Variants in SNRPN observed in about 807,000 individuals in gnomAD.
SNRPN encodes the protein small nuclear ribonucleoprotein-associated protein N.
A neutral mutation model predicts 25.2 loss-of-function variants in SNRPN; 7 were observed. The ratio of observed to expected loss-of-function variants is 0.28; its 90% CI spans 0.16 to 0.52. The LOEUF (loss-of-function observed/expected upper bound fraction) is 0.52, where lower values mean the gene tolerates loss of function less well. Ranked by LOEUF, SNRPN falls within the 20% of genes least tolerant of loss-of-function variation. The pLI is 0.96. For synonymous variants in SNRPN, 124 were observed against 110.6 expected, an observed-to-expected ratio of 1.12 and a Z score of -0.76; for missense variants, 196 against 322.5, an observed-to-expected ratio of 0.61 and a Z score of 3.00.
intron 1 of SNRPN, among the ~76,000 whole-genome samples, chr15:24,958,266 C>T (rs1035910870): frequency 6.6e-6 from 1 of 151,860 alleles, no homozygotes; most frequent in Non-Finnish European, 1.5e-5. Flanking sequence ...TGTTTATCAG[C>T]GCCCTCTGTT....
chr15:24,944,857 T>C (rs2061778888), intron 3 of SNRPN, among the ~76,000 whole-genome samples: 1 of 152,200 alleles, frequency 6.6e-6, no homozygotes, highest in African/African-American at 2.4e-5. Context: ...AGAGTTGATG[T>C]TGTAGCTCTA....
At chr15:24,851,985 T>C (rs1007682329), upstream of SNRPN, 1 of 152,208 alleles carries the variant, frequency 6.6e-6, no homozygotes, top group Non-Finnish European at 1.5e-5. Flanking sequence ...GACTTTTACA[T>C]TATATCATAG....
At chr15:24,930,880 C>G (rs2060802087) in intron 3 of SNRPN, among the ~76,000 whole-genome samples, 1 of 145,226 alleles carries the variant, frequency 6.9e-6, no homozygotes, top group Non-Finnish European at 1.5e-5. Flanking sequence ...GCTTGGGCGA[C>G]AAAGCAAGAG....
intron 1 of SNRPN, among the ~76,000 whole-genome samples, chr15:24,858,581 G>A (rs765298756): frequency 1.5e-4 from 23 of 151,938 alleles, no homozygotes; most frequent in Non-Finnish European, 2.5e-4. Context: ...TGGATCATAA[G>A]GCCAGGAGTT....
At chr15:24,884,031 GC>G (rs2056971465) in intron 1 of SNRPN, among the ~76,000 whole-genome samples, 1 of 149,920 alleles carries the variant, frequency 6.7e-6, no homozygotes. Flanking sequence ...AGAATGTAGG[GC>G]TGGGCATGGT....
chr15:24,841,631 C>G (rs564892325), intron 2 of SNRPN, among the ~76,000 whole-genome samples: 1 of 152,252 alleles, frequency 6.6e-6, no homozygotes, highest in African/African-American at 2.4e-5. Flanking sequence ...AGGCCTTGGC[C>G]CCATTCTTAA....
At chr15:24,886,228 C>G (rs2057195984) in intron 1 of SNRPN, among the ~76,000 whole-genome samples, 1 of 152,108 alleles carries the variant, frequency 6.6e-6, no homozygotes, top group African/African-American at 2.4e-5. Context: ...AGTGATCATC[C>G]CAGCTTGTCT....
chr15:24,859,167 CCTTTGTT>C (rs1220623963), intron 1 of SNRPN, among the ~76,000 whole-genome samples: 1 of 152,152 alleles, frequency 6.6e-6, no homozygotes, highest in Non-Finnish European at 1.5e-5. Flanking sequence ...CTCTTGTGCC[CCTTTGTT>C]CTGGTGTGCT....
chr15:24,889,195 G>A (rs2057442587), intron 2 of SNRPN, among the ~76,000 whole-genome samples: 1 of 152,182 alleles, frequency 6.6e-6, no homozygotes, highest in African/African-American at 2.4e-5. Context: ...TGGGATTACA[G>A]GCGTGAGCCA....
At chr15:24,962,052 C>T in intron 1 of SNRPN, 62 bp from the exon 2 acceptor site, 1 of 1,320,550 alleles carries the variant, frequency 7.6e-7, no homozygotes, top group Non-Finnish European at 1.1e-6. Context: ...ATAACCTTGA[C>T]AAATAGTTAT....
intron 3 of SNRPN, among the ~76,000 whole-genome samples, chr15:24,931,859 A>G (rs2152872469): frequency 6.6e-6 from 1 of 150,514 alleles, no homozygotes; most frequent in African/African-American, 2.4e-5. Context: ...AAAAAAAAAA[A>G]AAAAAAAAAG....
In SNRPN at chr15:24,864,339, CTTTTT is replaced by C. The variant is rs58622804; in HGVS notation, c.-579+7642_-579+7646del. ...CGCCGCTCCCGGCCCCTCTTCTTTT[CTTTTT>C]TTTTTTTTTTTTTTTTTTGGTGGAA... is the stretch of plus-strand genomic sequence containing the variant. On this transcript the variant is annotated intron_variant, in intron 1 of 11. Transcript: ENST00000400097. Among the ~76,000 whole-genome samples, 1,097 of 117,248 alleles carry C rather than the reference CTTTTT, an allele frequency of 9.4e-3. 13 individuals are homozygous for C. The highest frequency in any genetic ancestry group is 0.022 in the African/African-American group (663 of 30,134). The allele number at this position is 117,248 out of a possible 152,430, so 76.9% of individuals were successfully genotyped here.
At chr15:24,969,153 A>G (rs1219101047) in intron 3 of SNRPN, among the ~76,000 whole-genome samples, 1 of 151,976 alleles carries the variant, frequency 6.6e-6, no homozygotes, top group Admixed American at 6.6e-5. Flanking sequence ...TTTAGAGATG[A>G]AGTTTCACTC....
intron 1 of SNRPN, among the ~76,000 whole-genome samples, chr15:24,872,439 A>G (rs1354039699): frequency 8.6e-6 from 1 of 116,746 alleles, no homozygotes; most frequent in Non-Finnish European, 1.9e-5. Context: ...TCAAAAATAC[A>G]TTTTTTTTTG....
In SNRPN at chr15:24,889,522, G is replaced by A. The variant is rs377705613; in HGVS notation, c.-505+2933G>A. Among the ~76,000 whole-genome samples the A allele has an allele frequency of 3.3e-5, 5 of 150,648 alleles. No homozygotes were observed. The East Asian group carries it at 8.3e-4, about 25-fold the overall frequency. On this transcript the variant is annotated intron_variant, in intron 2 of 11. Transcript: ENST00000400097. ...GGGTTTCACCGTGTTAGCCAGGATG[G>A]TCTTGATCTCCTGACCTCGTGATTC...
chr15:24,978,522 T>A lies in SNRPN; in HGVS notation c.*78T>A, dbSNP rs924655739. ...ATTGTGTAGAGTGTTTGTGAGCTTT[T>A]TGTTCCCTCATTCTGCATTAATAAT... On this transcript the variant is annotated 3_prime_UTR_variant, in exon 10 of 10. Transcript: ENST00000390687. 1 of 1,290,256 alleles carries A rather than the reference T, an allele frequency of 7.8e-7. No individual in the cohort carries two copies. The highest frequency in any genetic ancestry group is 1.5e-5 in the African/African-American group (1 of 68,346). The allele number at this position is 1,290,256 out of a possible 1,614,324, so 79.9% of individuals were successfully genotyped here.
intron 3 of SNRPN, among the ~76,000 whole-genome samples, chr15:24,922,003 A>G (rs1249947735): frequency 1.4e-5 from 2 of 148,014 alleles, no homozygotes; most frequent in African/African-American, 5.0e-5. Flanking sequence ...GTTTGAGACC[A>G]GCCTGGCCAA....
intron 3 of SNRPN, among the ~76,000 whole-genome samples, chr15:24,971,633 C>A (rs1376340403): frequency 6.6e-6 from 1 of 151,936 alleles, no homozygotes; most frequent in Admixed American, 6.6e-5. Context: ...TGTTTCATAC[C>A]TCTGGACCGC....
intron 1 of SNRPN, among the ~76,000 whole-genome samples, chr15:24,956,414 G>A (rs539634582): frequency 4.1e-4 from 63 of 152,206 alleles, no homozygotes; most frequent in Non-Finnish European, 7.1e-4. Flanking sequence ...GGTGGTGTGT[G>A]TTCAGCTTCT....
Sources: gnomAD v4.1 joint callset for allele counts (sites outside exome capture counted in the v4.1 genomes callset) on GRCh38, gnomAD v4.1.1 for gene constraint, MANE v1.5 for transcripts, NCBI Gene and HGNC (gene_info 2026-07-23, HGNC 2026-07-21) for gene names.